FGD5: variants seen among roughly 807,000 people sequenced by gnomAD.
FGD5 encodes FYVE, RhoGEF and PH domain-containing protein 5.
Under a neutral mutation model 133.4 loss-of-function variants are expected in FGD5, and 28 were observed. The observed-to-expected ratio is 0.21, with a 90% CI of 0.16 to 0.29. The LOEUF (loss-of-function observed/expected upper bound fraction) is 0.29, where lower values mean the gene tolerates loss of function less well. Ranked by LOEUF, FGD5 falls within the 10% of genes least tolerant of loss-of-function variation. The probability of loss-of-function intolerance (pLI) is 1.00; values close to 1 mark genes in which losing one functional copy is unlikely to be tolerated. For synonymous variants in FGD5, 810 were observed against 776.5 expected, an observed-to-expected ratio of 1.04 and a Z score of -0.72; for missense variants, 1,858 against 1,895.2, an observed-to-expected ratio of 0.98 and a Z score of 0.36.
intron 1 of FGD5, among the ~76,000 whole-genome samples, chr3:14,811,134 C>G (rs1265702855): frequency 6.6e-6 from 1 of 152,164 alleles, no homozygotes; most frequent in African/African-American, 2.4e-5. Context: ...GCCAGTATCC[C>G]ACTCGCACGG....
At chr3:14,890,303 A>G (rs1018930791) in intron 4 of FGD5, among the ~76,000 whole-genome samples, 5 of 152,122 alleles carry the variant, frequency 3.3e-5, no homozygotes, top group African/African-American at 4.8e-5. Flanking sequence ...CCATCACAAC[A>G]TAGGCTCCTG....
rs1429450393 is a variant in FGD5, at chr3:14,821,280, A to T, written c.2209A>T (p.Arg737Trp). The T allele has an allele frequency of 6.2e-7, 1 of 1,613,888 alleles. No individual in the cohort carries two copies. Among genetic ancestry groups the T allele is most frequent in the Non-Finnish European group, 8.5e-7 (1 of 1,179,904 alleles). The change falls in exon 1 of 20, where the codon AGG (arginine) becomes TGG (tryptophan). Residue 737 changes from arginine (R) to tryptophan (W), a missense_variant. By Grantham distance (101) the Arg-to-Trp change is moderately radical. Around this residue, in one of 3 missense-constraint regions of FGD5, gnomAD observed 1,824 missense variants for 1,848.9 expected, o/e 0.99. Coordinates refer to ENST00000285046, the MANE Select transcript of FGD5 (RefSeq NM_152536.4). ...CAAGAGGAAAGGTGTCCCCTTCAGC[A>T]GGACGGTGTCCAGAGTGGAGTCCTT... ...DGKRKGVPFS[R>W]TVSRVESFED...
intron 2 of FGD5, among the ~76,000 whole-genome samples, chr3:14,872,015 C>A (rs1251820557): frequency 6.6e-6 from 1 of 152,252 alleles, no homozygotes; most frequent in African/African-American, 2.4e-5. Context: ...GAACCCAGAT[C>A]TGCCTGTTGA....
rs199676271 is a variant in FGD5, at chr3:14,907,676, G to A, written c.3301G>A (p.Val1101Ile). Residue 1101 changes from valine to isoleucine, a missense_variant, in exon 10 of 20, where the codon GTC (valine) becomes ATC (isoleucine). Val to Ile is a conservative substitution (Grantham distance 29). Around this residue, in one of 3 missense-constraint regions of FGD5, gnomAD observed 1,824 missense variants for 1,848.9 expected, o/e 0.99. Transcript: ENST00000285046. ...LQKLVHIEHS[V>I]RGQGDLLQPG... is the part of the protein sequence containing the mutation. ...GAAGCTGGTCCACATTGAGCACAGC[G>A]TCCGGGGCCAAGGGGATCTCCTCCA... The A allele has an allele frequency of 4.5e-5, 73 of 1,613,716 alleles. 1 individual carries two copies. In the Middle Eastern group the frequency reaches 9.9e-4, roughly 22 times the overall value.
At chr3:14,866,430 A>C (rs2037495127) in intron 2 of FGD5, among the ~76,000 whole-genome samples, 1 of 152,082 alleles carries the variant, frequency 6.6e-6, no homozygotes, top group African/African-American at 2.4e-5. Context: ...GCTATTACCC[A>C]GGATCTGGTC....
intron 4 of FGD5, among the ~76,000 whole-genome samples, chr3:14,888,014 T>A (rs202120023): frequency 2.2e-4 from 18 of 83,316 alleles, no homozygotes; most frequent in South Asian, 1.4e-3. Flanking sequence ...AAAAAAAAAA[T>A]TTTTTTTTAG....
intron 2 of FGD5, among the ~76,000 whole-genome samples, chr3:14,878,404 T>C (rs1303444774): frequency 6.6e-6 from 1 of 152,236 alleles, no homozygotes; most frequent in African/African-American, 2.4e-5. Flanking sequence ...GGCCTTTCCC[T>C]TACTCGATTC....
At chr3:14,867,369 G>A (rs929178961) in intron 2 of FGD5, among the ~76,000 whole-genome samples, 1 of 152,128 alleles carries the variant, frequency 6.6e-6, no homozygotes. Context: ...TTCCAGATGT[G>A]CTATGGTTTA....
rs1403305925 is a variant in FGD5, at chr3:14,857,242, C to T, written c.2526-6886C>T. ...GGTGTGACCAGCAGCCTCCACCCCC[C>T]CAGGCTCAAGCAATTCTCCTGCCTC... is the stretch of plus-strand genomic sequence containing the variant. On this transcript the variant is annotated intron_variant, in intron 1 of 19. Transcript: ENST00000285046. Among the ~76,000 whole-genome samples the T allele has an allele frequency of 3.3e-5, 5 of 152,206 alleles. No individual in the cohort carries two copies. In the East Asian group the frequency reaches 7.7e-4, roughly 24 times the overall value.
intron 4 of FGD5, among the ~76,000 whole-genome samples, chr3:14,885,583 C>T (rs1308309980): frequency 1.3e-5 from 2 of 152,174 alleles, no homozygotes; most frequent in African/African-American, 2.4e-5. Flanking sequence ...GGCTGTTGTC[C>T]GAGACTTAAG....
intron 4 of FGD5, among the ~76,000 whole-genome samples, chr3:14,894,803 A>G (rs1482042952): frequency 6.6e-6 from 1 of 151,698 alleles, no homozygotes; most frequent in African/African-American, 2.4e-5. Flanking sequence ...ACTGTTCTCC[A>G]TAGTGGCTGT....
chr3:14,846,364 T>A (rs1404170649), intron 1 of FGD5, among the ~76,000 whole-genome samples: 1 of 152,154 alleles, frequency 6.6e-6, no homozygotes, highest in African/African-American at 2.4e-5. Flanking sequence ...AAGCCAGAGT[T>A]GTCTGTGGGG....
chr3:14,850,267 C>T (rs1343902625), intron 1 of FGD5, among the ~76,000 whole-genome samples: 3 of 152,230 alleles, frequency 2.0e-5, no homozygotes, highest in Non-Finnish European at 2.9e-5. Context: ...GAAACCAAGG[C>T]AGTCCCCACC....
chr3:14,814,438 T>C (rs1443568160), upstream of FGD5, among the ~76,000 whole-genome samples: 2 of 152,306 alleles, frequency 1.3e-5, no homozygotes, highest in Non-Finnish European at 2.9e-5. Context: ...TAGACCTAGA[T>C]AACATGATGC....
At chr3:14,866,817 AG>A (rs377210267) in intron 2 of FGD5, among the ~76,000 whole-genome samples, 3 of 152,008 alleles carry the variant, frequency 2.0e-5, no homozygotes, top group African/African-American at 4.8e-5. Flanking sequence ...TGCCATGGAC[AG>A]GGGTCCTTCA....
chr3:14,924,650 C>T (rs747952953), intron 17 of FGD5, among the ~76,000 whole-genome samples: 2 of 152,188 alleles, frequency 1.3e-5, no homozygotes, highest in African/African-American at 2.4e-5. Flanking sequence ...TCTGTGAATA[C>T]ACAAGGAGTC....
chr3:14,863,887 C>T (rs1341057861), intron 1 of FGD5, among the ~76,000 whole-genome samples: 5 of 152,166 alleles, frequency 3.3e-5, no homozygotes, highest in Admixed American at 2.0e-4. Context: ...GGGAGCCTGC[C>T]CCCTGTCTGC....
chr3:14,912,575 G>A (rs2038470694), intron 11 of FGD5, among the ~76,000 whole-genome samples: 1 of 152,068 alleles, frequency 6.6e-6, no homozygotes, highest in Non-Finnish European at 1.5e-5. Flanking sequence ...CTCCAGTGTT[G>A]GGGAGCTCAC....
At chr3:14,834,749 G>A (rs902939672) in intron 1 of FGD5, among the ~76,000 whole-genome samples, 10 of 152,206 alleles carry the variant, frequency 6.6e-5, no homozygotes, top group Non-Finnish European at 1.2e-4. Flanking sequence ...TGTAGAGGGA[G>A]AGAAGCCACA....
Sources: gnomAD v4.1 joint callset for allele counts (sites outside exome capture counted in the v4.1 genomes callset) on GRCh38, gnomAD v4.1.1 for gene constraint, gnomAD v4.1.1 regional missense constraint, MANE v1.5 for transcripts, NCBI Gene and HGNC (gene_info 2026-07-23, HGNC 2026-07-21) for gene names.